Variants in SETD3 observed in about 807,000 individuals in gnomAD.
SETD3 encodes the protein SET domain containing 3, actin N3(tau)-histidine methyltransferase, also known as actin-histidine N-methyltransferase.
In SETD3, 19 loss-of-function variants were observed where a neutral mutation model predicts 63.0. That is an observed-to-expected ratio of 0.30 (90% CI 0.21 to 0.44). SETD3 has a LOEUF of 0.44. Among genes scored for constraint, SETD3 ranks in the 20% least tolerant of loss-of-function variants. The pLI is 1.00. For missense variants in SETD3, 587 were observed against 728.5 expected (o/e 0.81, Z 2.24); for synonymous variants, 286 against 264.1 (o/e 1.08, Z -0.80).
At chr14:99,439,014 A>C (rs1893642007) in intron 6 of SETD3, among the ~76,000 whole-genome samples, 1 of 152,258 alleles carries the variant, frequency 6.6e-6, no homozygotes, top group African/African-American at 2.4e-5. Context: ...CAGAGGGTAG[A>C]TTGTAAATAT....
chr14:99,412,996 C>T lies in SETD3; in HGVS notation c.804G>A (p.Leu268=). The T allele has an allele frequency of 6.2e-7, 1 of 1,614,108 alleles. No individual in the cohort carries two copies. The highest frequency in any genetic ancestry group is 8.5e-7 in the Non-Finnish European group (1 of 1,179,986). The part of the protein sequence containing the change: ...IPTEDGSRVT[L]ALIPLWDMCN... ...ACATATCCCATAAAGGAATCAGAGCCAGGGTCACGCGGGAACCATCCTCTG... is the reference window on the plus strand; with the variant it reads ...ACATATCCCATAAAGGAATCAGAGCTAGGGTCACGCGGGAACCATCCTCTG... The change falls in exon 8 of 13, where the codon CTG becomes CTA. Residue 268 remains leucine, a synonymous_variant. Coordinates refer to ENST00000331768, the MANE Select transcript of SETD3 (RefSeq NM_032233.3).
rs966244479 is a variant in SETD3, at chr14:99,424,434, G to A, written c.676-10500C>T. ...AGAGGGCATCACACTTCAGGGCGGG[G>A]AGAGCCAGGCTGCTGGGGCTGGAAG... On this transcript the variant is annotated intron_variant, in intron 6 of 12. Coordinates refer to ENST00000331768, the MANE Select transcript of SETD3 (RefSeq NM_032233.3). Among the ~76,000 whole-genome samples the A allele has an allele frequency of 3.2e-4, 48 of 152,182 alleles. 3 individuals are homozygous for A. Among genetic ancestry groups the A allele is most frequent in the Admixed American group, 6.5e-5 (1 of 15,284 alleles).
intron 1 of SETD3, among the ~76,000 whole-genome samples, chr14:99,472,714 A>G (rs772925793): frequency 1.3e-5 from 2 of 152,242 alleles, no homozygotes; most frequent in Non-Finnish European, 1.5e-5. Context: ...AATTACAGAT[A>G]TTAGCCAGAA....
At position 99,461,328 on chromosome 14, in the gene SETD3, G is replaced by T; in HGVS notation, c.209C>A (p.Thr70Asn). The T allele has an allele frequency of 6.2e-7, 1 of 1,614,050 alleles. No individual in the cohort carries two copies. Residue 70 changes from threonine to asparagine, a missense_variant, in exon 4 of 13, where the codon ACT becomes AAT. Transcript: ENST00000331768. The part of the protein sequence containing the change: ...IRKKQKGLSV[T>N]FDGKREDYFP... Reference sequence around the variant, plus strand: ...GTAATCTTCTCTTTTTCCATCAAAAGTAACGGACAGACCTATATTAATCCA... The same window carrying T: ...GTAATCTTCTCTTTTTCCATCAAAATTAACGGACAGACCTATATTAATCCA...
Position 99,404,791 on chromosome 14 carries a change from T to C in SETD3, c.1091+414A>G, listed in dbSNP as rs534944668. ...CTTCTTTATCATTTTATGCCTCAAA[T>C]GCAAGAAAATCTTAAAGAACTTAAC... On this transcript the variant is annotated intron_variant, in intron 10 of 12. Transcript: ENST00000331768. Among the ~76,000 whole-genome samples, 5 of 152,288 alleles carry C rather than the reference T, an allele frequency of 3.3e-5. No individual in the cohort carries two copies. In the South Asian group the frequency reaches 1.0e-3, roughly 32 times the overall value.
chr14:99,427,558 G>A (rs1046122274), intron 6 of SETD3, among the ~76,000 whole-genome samples: 2 of 152,142 alleles, frequency 1.3e-5, no homozygotes, highest in African/African-American at 4.8e-5. Context: ...AAACGATAAA[G>A]GAGGCCAAGG....
At chr14:99,453,742 C>T (rs1023859664) in intron 6 of SETD3, among the ~76,000 whole-genome samples, 2 of 151,880 alleles carry the variant, frequency 1.3e-5, no homozygotes, top group African/African-American at 4.8e-5. Context: ...AGGAGAATTG[C>T]TTGAACCCGG....
chr14:99,473,325 A>G (rs1026775277), intron 1 of SETD3, among the ~76,000 whole-genome samples: 2 of 152,182 alleles, frequency 1.3e-5, no homozygotes, highest in African/African-American at 4.8e-5. Context: ...GGGGTGCTAA[A>G]TACCTAACCC....
intron 6 of SETD3, among the ~76,000 whole-genome samples, chr14:99,457,467 A>C (rs1894825456): frequency 6.6e-6 from 1 of 152,228 alleles, no homozygotes; most frequent in African/African-American, 2.4e-5. Flanking sequence ...AAAACATAGC[A>C]AGGATAGACC....
At chr14:99,412,177 GA>G (rs1401255760) in intron 8 of SETD3, 2 of 152,360 alleles carry the variant, frequency 1.3e-5, no homozygotes, top group Non-Finnish European at 2.9e-5. Flanking sequence ...CTAATATCAG[GA>G]AATCTTTATC....
At position 99,461,472 on chromosome 14, in the gene SETD3, A is replaced by T. The variant is rs1468937594; in HGVS notation, c.197-132T>A. 15 of 853,340 alleles carry T rather than the reference A, an allele frequency of 1.8e-5. No homozygotes were observed. The Admixed American group carries it at 3.8e-4, about 21-fold the overall frequency. 52.9% of individuals were successfully genotyped at this position (853,340 alleles called of 1,614,324 possible). On this transcript the variant is annotated intron_variant, in intron 3 of 12. Transcript: ENST00000331768. ...TTAACACGCCAATCTTGAAATCAAAACTAATCACCAGATGGTCACAGTACA... is the reference window on the plus strand; with the variant it reads ...TTAACACGCCAATCTTGAAATCAAATCTAATCACCAGATGGTCACAGTACA...
intron 6 of SETD3, among the ~76,000 whole-genome samples, chr14:99,419,774 CA>C (rs538399332): frequency 0.12 from 10,211 of 82,946 alleles, 1,106 homozygotes; most frequent in African/African-American, 0.35. Context: ...GACTCCGTCT[CA>C]AAAAAAAAAA....
intron 2 of SETD3, among the ~76,000 whole-genome samples, chr14:99,464,228 C>A (rs2139789806): frequency 6.6e-6 from 1 of 152,366 alleles, no homozygotes; most frequent in Admixed American, 6.5e-5. Context: ...GTTTGAAAGA[C>A]TGCACACTGG....
intron 6 of SETD3, among the ~76,000 whole-genome samples, chr14:99,421,621 C>T (rs1892600753): frequency 6.6e-6 from 1 of 152,094 alleles, no homozygotes. Flanking sequence ...GAGAGGGAGA[C>T]AGACACTAGC....
At chr14:99,465,491 C>T (rs1895319203) in intron 2 of SETD3, among the ~76,000 whole-genome samples, 1 of 152,186 alleles carries the variant, frequency 6.6e-6, no homozygotes, top group African/African-American at 2.4e-5. Context: ...TCACCCAAGC[C>T]TTGTTAACAG....
At chr14:99,419,699 C>T (rs373512830) in intron 6 of SETD3, among the ~76,000 whole-genome samples, 28 of 149,528 alleles carry the variant, frequency 1.9e-4, no homozygotes, top group African/African-American at 5.9e-4. Flanking sequence ...GGCGTGAACC[C>T]GGGAGGCGGA....
intron 1 of SETD3, among the ~76,000 whole-genome samples, chr14:99,473,427 T>C (rs965691929): frequency 1.3e-5 from 2 of 152,232 alleles, no homozygotes; most frequent in Non-Finnish European, 2.9e-5. Flanking sequence ...AAAGGATATT[T>C]ATTTGTGTAT....
At chr14:99,463,373 C>A in intron 3 of SETD3, 113 bp downstream of exon 3, 1 of 774,106 alleles carries the variant, frequency 1.3e-6, no homozygotes, top group Non-Finnish European at 2.1e-6. Context: ...CAGTACAAGA[C>A]CTTTCAGAGT....
Position 99,398,673 on chromosome 14 carries a change from C to G in SETD3, c.*6G>C, listed in dbSNP as rs767888707. On this transcript the variant is annotated 3_prime_UTR_variant, in exon 13 of 13. Transcript: ENST00000331768. ...CACTGGATCCCCCATCCAGCTTCACCTCGAGCTACTCCTTAACTCCAGCAG... is the reference window on the plus strand; with the variant it reads ...CACTGGATCCCCCATCCAGCTTCACGTCGAGCTACTCCTTAACTCCAGCAG... 6.2e-7 allele frequency: 1 copy of G among 1,610,466 alleles called. No individual in the cohort carries two copies. The highest frequency in any genetic ancestry group is 8.5e-7 in the Non-Finnish European group (1 of 1,177,166).
Sources: allele counts gnomAD v4.1 joint callset (sites outside exome capture counted in the v4.1 genomes callset), GRCh38; gene constraint gnomAD v4.1.1; transcripts MANE v1.5; gene names NCBI Gene and HGNC (gene_info 2026-07-23, HGNC 2026-07-21).